The following RPL3L variants were observed in gnomAD, a reference collection of about 807,000 sequenced individuals.
The protein encoded by RPL3L is ribosomal protein uL3-like.
In RPL3L, 44 loss-of-function variants were observed where a neutral mutation model predicts 44.5. The observed-to-expected ratio is 0.99, with a 90% CI of 0.78 to 1.27. RPL3L has a LOEUF of 1.27. RPL3L is among the 50% of genes most tolerant of loss of function. The pLI is 0.00. For missense variants in RPL3L, 631 were observed against 569.1 expected, an observed-to-expected ratio of 1.11 and a Z score of -1.11; for synonymous variants, 292 against 230.7, an observed-to-expected ratio of 1.27 and a Z score of -2.41.
chr16:1,945,354 C>T, intron 9 of RPL3L, 145 bp downstream of exon 9: 1 of 719,674 alleles, frequency 1.4e-6, no homozygotes, highest in Non-Finnish European at 1.9e-6. Context: ...GACTCCATCT[C>T]AAAAAATAAA....
At chr16:1,945,996 C>T (rs113439442) in intron 7 of RPL3L, 66 bp from the exon 8 acceptor site, 80,004 of 1,409,802 alleles carry the variant, frequency 0.057, 2,702 homozygotes, top group Non-Finnish European at 0.067. Context: ...TGGCTGGGGG[C>T]CCTAGCAGAA....
At position 1,954,639 on chromosome 16, in the gene RPL3L, G is replaced by A. The variant is rs566756220; in HGVS notation, c.-8C>T. 7.1e-6 allele frequency: 11 copies of A among 1,543,032 alleles called. No individual in the cohort carries two copies. In the East Asian group the frequency reaches 1.0e-4, roughly 14 times the overall value. Reference sequence around the variant, plus strand: ...CCTGGTCCCACCAACCATGGTGGCCGATCCCTGAAGGTCAGGAAGGGGCCT... The same window carrying A: ...CCTGGTCCCACCAACCATGGTGGCCAATCCCTGAAGGTCAGGAAGGGGCCT... On this transcript the variant is annotated 5_prime_UTR_variant, in exon 1 of 10. Transcript: ENST00000268661.
Position 1,952,967 on chromosome 16 carries a change from C to A in RPL3L, c.272G>T (p.Gly91Val), listed in dbSNP as rs572399683. 33 of 1,613,018 alleles carry A rather than the reference C, an allele frequency of 2.0e-5. No homozygotes were observed. The South Asian group carries it at 3.6e-4, about 18-fold the overall frequency. The change falls in exon 3 of 10, where the codon GGC becomes GTC. Residue 91 changes from glycine (G) to valine (V), a missense_variant. Transcript: ENST00000268661. Reference protein sequence around the residue: ...TPPLVVVGVVGYVATPRGLRS... With the variant: ...TPPLVVVGVVVYVATPRGLRS... ...GAGACCTCGAGGGGTGGCCACGTAG[C>A]CCACCACGCCCACCACCACTAGGGG...
chr16:1,954,092 C>T lies in RPL3L; in HGVS notation c.60G>A (p.Lys20=), dbSNP rs767457024. 2.0e-5 allele frequency: 32 copies of T among 1,602,950 alleles called. No individual in the cohort carries two copies. Among genetic ancestry groups the T allele is most frequent in the Non-Finnish European group, 2.5e-5 (29 of 1,175,852 alleles). Residue 20 remains lysine, a synonymous_variant, in exon 2 of 10, where the codon AAG becomes AAA. Transcript: ENST00000268661. The part of the protein sequence containing the change: ...RHGHLGFLPH[K]RSHRHRGKVK... ...CCTTGCCCCGGTGCCGGTGGCTCCT[C>T]TTATGGGGCAGGAAGCCCAGGTGTC...
intron 8 of RPL3L, 64 bp downstream of exon 8, chr16:1,945,771 C>T (rs2083116168): frequency 3.7e-6 from 6 of 1,607,284 alleles, no homozygotes; most frequent in South Asian, 2.2e-5. Flanking sequence ...CGTAGCAGGC[C>T]GCAGGGCAGG....
chr16:1,949,555 A>AT lies in RPL3L; in HGVS notation c.501+1288dup, dbSNP rs563038812. ...GGCGTGATCCACCATGTCTGGCTTG[A>AT]TTTTTTTTTTTTTTTTTTGGTAAGG... is the stretch of plus-strand genomic sequence containing the variant. On this transcript the variant is annotated intron_variant, in intron 4 of 9. Coordinates refer to ENST00000268661, the MANE Select transcript of RPL3L (RefSeq NM_005061.3). 6.5e-3 allele frequency among the ~76,000 whole-genome samples: 723 copies of AT among 112,008 alleles called. 5 individuals carry two copies. The highest frequency in any genetic ancestry group is 0.01 in the Admixed American group (110 of 10,640). 73.5% of individuals were successfully genotyped at this position (112,008 alleles called of 152,430 possible). A position where few individuals can be genotyped will look rare whatever the true frequency, so the allele number is the denominator to read the frequency against.
At chr16:1,946,778 A>AGCCCATCCAG in intron 6 of RPL3L, 52 bp from the exon 7 acceptor site, 1 of 1,601,878 alleles carries the variant, frequency 6.2e-7, no homozygotes, top group Non-Finnish European at 8.5e-7. Context: ...TGAGGCCAGC[A>AGCCCATCCAG]GCCCATCCAG....
At position 1,949,009 on chromosome 16, in the gene RPL3L, C is replaced by CTTTTTTTTTTT. The variant is rs34900670; in HGVS notation, c.502-1640_502-1630dup. 8.0e-5 allele frequency among the ~76,000 whole-genome samples: 10 copies of CTTTTTTTTTTT among 124,662 alleles called. 1 individual carries two copies. The highest frequency in any genetic ancestry group is 2.0e-4 in the African/African-American group (6 of 30,496). 81.8% of individuals were successfully genotyped at this position (124,662 alleles called of 152,430 possible). On this transcript the variant is annotated intron_variant, in intron 4 of 9. Coordinates refer to ENST00000268661, the MANE Select transcript of RPL3L (RefSeq NM_005061.3). ...TACAGACGTGAGCCACCGCGCCTGG[C>CTTTTTTTTTTT]TTTTTTTTTTTTTTTTTGTAGAGAT... is the stretch of plus-strand genomic sequence containing the variant.
intron 7 of RPL3L, 89 bp from the exon 8 acceptor site, chr16:1,946,019 G>T (rs2083118828): frequency 9.1e-7 from 1 of 1,098,422 alleles, no homozygotes; most frequent in Non-Finnish European, 1.3e-6. Context: ...CCCAGAGGGG[G>T]CAGTGATAGG....
intron 7 of RPL3L, 29 bp from the exon 8 acceptor site, chr16:1,945,959 C>A (rs185751836): frequency 6.3e-6 from 10 of 1,576,754 alleles, no homozygotes; most frequent in Non-Finnish European, 8.6e-6. Flanking sequence ...AGAGGCCAGG[C>A]CCGGAAAGGG....
intron 8 of RPL3L, 104 bp from the exon 9 acceptor site, chr16:1,945,722 C>A (rs1394546511): frequency 6.2e-7 from 1 of 1,601,644 alleles, no homozygotes; most frequent in Non-Finnish European, 8.5e-7. Context: ...TAGTTCCTAC[C>A]AGAGCCCTCC....
chr16:1,949,238 ATTTTTGTTTTTTTTTTTTTTCTT>A (rs1407324422), intron 4 of RPL3L, among the ~76,000 whole-genome samples: 4 of 80,086 alleles, frequency 5.0e-5, no homozygotes, highest in Non-Finnish European at 7.8e-5. Flanking sequence ...ACTGGGCCTG[ATTTTTGTTTTTTTTTTTTTTCTT>A]TTTTTTTTTT....
chr16:1,952,909 G>A lies in RPL3L; in HGVS notation c.330C>T (p.Leu110=), dbSNP rs2083180345. ...AGAATCGGCGCCGGCACTCATCACT[G>A]AGGTGTTCTGCAAAGATGGTCTTGA... is the stretch of plus-strand genomic sequence containing the variant. The part of the protein sequence containing the change: ...RSFKTIFAEH[L]SDECRRRFYK... Residue 110 remains leucine (L), a synonymous_variant, in exon 3 of 10, where the codon CTC becomes CTT. Transcript: ENST00000268661. 4 of 1,613,868 alleles carry A rather than the reference G, an allele frequency of 2.5e-6. No homozygotes were observed. The highest frequency in any genetic ancestry group is 2.7e-5 in the African/African-American group (2 of 74,920).
At position 1,954,112 on chromosome 16, in the gene RPL3L, G is replaced by C; in HGVS notation, c.40C>G (p.Leu14Val). The change falls in exon 2 of 10, where the codon CTG (leucine) becomes GTG (valine). Residue 14 changes from leucine to valine, a missense_variant. Physicochemically the swap from Leu to Val is conservative, Grantham distance 32. Coordinates refer to ENST00000268661, the MANE Select transcript of RPL3L (RefSeq NM_005061.3). ...RKFSAPRHGH[L>V]GFLPHKRSHR... ...CTCCTCTTATGGGGCAGGAAGCCCAGGTGTCCGTGCCGAGGGGCGGAAAAC... is the reference window on the plus strand; with the variant it reads ...CTCCTCTTATGGGGCAGGAAGCCCACGTGTCCGTGCCGAGGGGCGGAAAAC... 6.2e-7 allele frequency: 1 copy of C among 1,600,734 alleles called. No homozygotes were observed. The highest frequency in any genetic ancestry group is 1.7e-5 in the Admixed American group (1 of 57,780).
Position 1,947,388 on chromosome 16 carries a change from A to G in RPL3L, c.502-8T>C, listed in dbSNP as rs1273880188. 1.3e-6 allele frequency: 2 copies of G among 1,566,482 alleles called. No individual in the cohort carries two copies. Among genetic ancestry groups the G allele is most frequent in the South Asian group, 1.2e-5 (1 of 86,490 alleles). ...GAAGGGCAGCAGTTTCATCTGCAGG[A>G]CATGGCCGGAGGTCACGCCACGGCC... On this transcript the variant is annotated splice_region_variant and splice_polypyrimidine_tract_variant and intron_variant, in intron 4 of 9. Transcript: ENST00000268661.
chr16:1,951,014 C>A, intron 3 of RPL3L, 35 bp from the exon 4 acceptor site: 3 of 1,606,352 alleles, frequency 1.9e-6, no homozygotes, highest in South Asian at 1.1e-5. Flanking sequence ...CAGAAGCCCC[C>A]AACCGGGGCA....
In RPL3L at chr16:1,954,185, G is replaced by C. The variant is rs1210768365; in HGVS notation, c.4-37C>G. ...GAAGGAAGGAGGTCAGACCTGGGGT[G>C]TCCCTGGTGGTAGAGCTGGATGGTC... is the stretch of plus-strand genomic sequence containing the variant. On this transcript the variant is annotated intron_variant, in intron 1 of 9. Transcript: ENST00000268661. The C allele has an allele frequency of 2.7e-6, 4 of 1,499,748 alleles. No individual in the cohort carries two copies. The South Asian group carries it at 5.3e-5, about 20-fold the overall frequency. 92.9% of individuals were successfully genotyped at this position (1,499,748 alleles called of 1,614,324 possible).
At chr16:1,947,135 C>T (rs778227612) in intron 5 of RPL3L, 37 bp from the exon 6 acceptor site, 1 of 1,612,934 alleles carries the variant, frequency 6.2e-7, no homozygotes, top group African/African-American at 1.3e-5. Flanking sequence ...AGAGGCCAGG[C>T]TGGTCCCCAC....
Position 1,952,895 on chromosome 16 carries a change from C to A in RPL3L, c.344G>T (p.Arg115Leu). ...TCACCAGTCCTTGTAGAATCGGCGC[C>A]GGCACTCATCACTGAGGTGTTCTGC... ...IFAEHLSDEC[R>L]RRFYKDWHKS... is the part of the protein sequence containing the mutation. Residue 115 changes from arginine to leucine, a missense_variant, in exon 3 of 10, where the codon CGG becomes CTG. Physicochemically the swap from Arg to Leu is moderately radical, Grantham distance 102 (BLOSUM62 -2). Coordinates refer to ENST00000268661, the MANE Select transcript of RPL3L (RefSeq NM_005061.3). 2 of 1,613,902 alleles carry A rather than the reference C, an allele frequency of 1.2e-6. No homozygotes were observed. Among genetic ancestry groups the A allele is most frequent in the South Asian group, 1.1e-5 (1 of 91,084 alleles).
Sources: gnomAD v4.1 joint callset for allele counts (sites outside exome capture counted in the v4.1 genomes callset) on GRCh38, gnomAD v4.1.1 for gene constraint, MANE v1.5 for transcripts, NCBI Gene and HGNC (gene_info 2026-07-23, HGNC 2026-07-21) for gene names.